DNAH5: variants seen among roughly 807,000 people sequenced by gnomAD.
DNAH5 encodes axonemal beta dynein heavy chain 5.
Under a neutral mutation model 518.2 loss-of-function variants are expected in DNAH5, and 372 were observed. The observed-to-expected ratio is 0.72, with a 90% CI of 0.66 to 0.78. The LOEUF is 0.78. Ranked by LOEUF, DNAH5 falls within the 30% of genes least tolerant of loss-of-function variation. The pLI is 0.00. For missense variants in DNAH5, 5,523 were observed against 5,687.0 expected (o/e 0.97, Z 0.93); for synonymous variants, 2,039 against 2,025.9 (o/e 1.01, Z -0.17).
At chr5:13,988,548 G>C (rs1262461881) in intron 1 of DNAH5, among the ~76,000 whole-genome samples, 1 of 151,662 alleles carries the variant, frequency 6.6e-6, no homozygotes, top group Non-Finnish European at 1.5e-5. Context: ...CTCCAGAGTA[G>C]CTGGGATTAC....
chr5:13,830,248 T>C (rs1459522614), intron 36 of DNAH5, 35 bp from the exon 37 acceptor site: 1 of 1,581,372 alleles, frequency 6.3e-7, no homozygotes, highest in Non-Finnish European at 8.7e-7. Flanking sequence ...ATCCAATTAG[T>C]ATATAATTTT....
chr5:13,974,801 T>C (rs1782118432), intron 1 of DNAH5, among the ~76,000 whole-genome samples: 1 of 152,126 alleles, frequency 6.6e-6, no homozygotes. Context: ...AAGGTTCCAC[T>C]ACTACCACCG....
At chr5:13,892,125 T>C (rs190975643) in intron 16 of DNAH5, among the ~76,000 whole-genome samples, 22 of 152,260 alleles carry the variant, frequency 1.4e-4, no homozygotes, top group African/African-American at 5.1e-4. Context: ...TCTAAGCTAA[T>C]TATTAAAGAG....
At chr5:13,740,285 C>G (rs1459831699) in intron 65 of DNAH5, among the ~76,000 whole-genome samples, 4 of 151,932 alleles carry the variant, frequency 2.6e-5, no homozygotes, top group African/African-American at 9.7e-5. Flanking sequence ...CCTACCCCAG[C>G]CTTACCCCCT....
rs2126776667 is a variant in DNAH5, at chr5:13,769,083, C to T, written c.9774G>A (p.Glu3258=). 5 of 1,614,236 alleles carry T rather than the reference C, an allele frequency of 3.1e-6. No homozygotes were observed. Among genetic ancestry groups the T allele is most frequent in the Non-Finnish European group, 4.2e-6 (5 of 1,180,046 alleles). The stretch of plus-strand genomic sequence containing the variant: ...GGGCCCTGTCCTTCACCTTCTGTAC[C>T]TCAGCCTTGACCTTTTCAGCAGCCT... ...KAQAAEKVKA[E]VQKVKDRAQA... is the part of the protein sequence containing the mutation. The change falls in exon 58 of 79, where the codon GAG becomes GAA. Residue 3258 remains glutamate (E), a synonymous_variant. Transcript: ENST00000265104.
intron 1 of DNAH5, among the ~76,000 whole-genome samples, chr5:13,960,888 T>A (rs530234146): frequency 2.8e-4 from 43 of 152,358 alleles, no homozygotes; most frequent in South Asian, 2.3e-3. Context: ...TCGAGTATTG[T>A]GAGATGGGAT....
chr5:13,862,178 A>T (rs1768546101), intron 29 of DNAH5, among the ~76,000 whole-genome samples: 1 of 152,098 alleles, frequency 6.6e-6, no homozygotes, highest in Non-Finnish European at 1.5e-5. Context: ...CAGCAAGCTG[A>T]AATGTTCCCA....
chr5:13,722,347 C>A (rs1439893764), intron 70 of DNAH5, among the ~76,000 whole-genome samples: 1 of 152,234 alleles, frequency 6.6e-6, no homozygotes. Flanking sequence ...ATCTTGCTAT[C>A]CCCTATTCAT....
At chr5:13,884,109 G>T (rs1447730568) in intron 19 of DNAH5, among the ~76,000 whole-genome samples, 1 of 151,994 alleles carries the variant, frequency 6.6e-6, no homozygotes, top group Non-Finnish European at 1.5e-5. Flanking sequence ...TTTCTGAACT[G>T]TGCCGAGGAA....
intron 60 of DNAH5, among the ~76,000 whole-genome samples, chr5:13,761,130 C>T (rs1751714298): frequency 6.6e-6 from 1 of 152,204 alleles, no homozygotes; most frequent in Non-Finnish European, 1.5e-5. Context: ...TGTCTTGAGA[C>T]AAGCTGAAAG....
intron 49 of DNAH5, among the ~76,000 whole-genome samples, chr5:13,792,820 T>C (rs919178797): frequency 2.0e-5 from 3 of 152,216 alleles, no homozygotes; most frequent in African/African-American, 7.2e-5. Context: ...TGCCAGAAAT[T>C]AATTAGGGTA....
chr5:13,804,733 G>T (rs1192129855), intron 47 of DNAH5, among the ~76,000 whole-genome samples: 1 of 152,198 alleles, frequency 6.6e-6, no homozygotes, highest in Non-Finnish European at 1.5e-5. Flanking sequence ...AAAGCCATGT[G>T]TATCAGATAA....
intron 3 of DNAH5, among the ~76,000 whole-genome samples, chr5:13,926,406 C>A (rs1777875169): frequency 6.6e-6 from 1 of 152,164 alleles, no homozygotes; most frequent in South Asian, 2.1e-4. Context: ...CTGCCTCTGG[C>A]CTCACACAGT....
intron 2 of DNAH5, 69 bp downstream of exon 2, chr5:13,931,041 A>C (rs1778362887): frequency 1.2e-6 from 2 of 1,610,964 alleles, no homozygotes; most frequent in African/African-American, 2.7e-5. Context: ...GGATCCTGCC[A>C]CAGGACTGTG....
chr5:13,773,932 A>G (rs1047759435), intron 55 of DNAH5, among the ~76,000 whole-genome samples: 3 of 151,510 alleles, frequency 2.0e-5, no homozygotes, highest in African/African-American at 7.3e-5. Context: ...AAAAAAAAAG[A>G]GCATATTCAA....
At chr5:13,786,651 T>C (rs1013963678) in intron 51 of DNAH5, among the ~76,000 whole-genome samples, 1 of 152,182 alleles carries the variant, frequency 6.6e-6, no homozygotes, top group Non-Finnish European at 1.5e-5. Flanking sequence ...CTCCCAGATA[T>C]ATTAGCTTAA....
intron 71 of DNAH5, among the ~76,000 whole-genome samples, chr5:13,719,691 T>C (rs1025207605): frequency 1.3e-5 from 2 of 152,104 alleles, no homozygotes; most frequent in Admixed American, 1.3e-4. Context: ...ACCAGCACAT[T>C]GAGGGAATAG....
At chr5:13,934,435 C>T (rs1052468511) in intron 1 of DNAH5, among the ~76,000 whole-genome samples, 1 of 151,806 alleles carries the variant, frequency 6.6e-6, no homozygotes, top group African/African-American at 2.4e-5. Flanking sequence ...GTTTGTAACG[C>T]AAAAATAAAT....
rs1177610939 is a variant in DNAH5, at chr5:13,842,441, A to AAGAGAGAGAGAGAGAGAGAGAG, written c.5272-538_5272-537insCTCTCTCTCTCTCTCTCTCTCT. On this transcript the variant is annotated intron_variant, in intron 32 of 78. Transcript: ENST00000265104. ...AGAAAAGAAAAGAAAGAAAGAAAGA[A>AAGAGAGAGAGAGAGAGAGAGAG]AGAAAGAAAGAAAGAAAGAAAGAAA... Among the ~76,000 whole-genome samples the AAGAGAGAGAGAGAGAGAGAGAG allele has an allele frequency of 1.0e-3, 105 of 102,148 alleles. 1 individual carries two copies. The highest frequency in any genetic ancestry group is 4.0e-3 in the African/African-American group (93 of 23,282). The allele number at this position is 102,148 out of a possible 152,430, so 67.0% of individuals were successfully genotyped here.
Sources: allele counts gnomAD v4.1 joint callset (sites outside exome capture counted in the v4.1 genomes callset), GRCh38; gene constraint gnomAD v4.1.1; transcripts MANE v1.5; gene names NCBI Gene and HGNC (gene_info 2026-07-23, HGNC 2026-07-21).